The following VPS13B variants were observed in gnomAD, a reference collection of about 807,000 sequenced individuals.
VPS13B encodes vacuolar protein sorting 13 homolog B, also known as intermembrane lipid transfer protein VPS13B.
VPS13B carries 285 observed loss-of-function variants against 426.4 expected under a neutral mutation model. That is an observed-to-expected ratio of 0.67 (90% CI 0.61 to 0.74). The LOEUF is 0.74. VPS13B is among the 30% of genes least tolerant of loss of function. VPS13B has a pLI of 0.00. For synonymous variants in VPS13B, 1,676 were observed against 1,676.4 expected (o/e 1.00, Z 0.01); for missense variants, 4,537 against 4,782.6 (o/e 0.95, Z 1.51).
At chr8:99,274,152 T>C in intron 17 of VPS13B, 46 bp from the exon 18 acceptor site, 1 of 1,612,768 alleles carries the variant, frequency 6.2e-7, no homozygotes, top group Non-Finnish European at 8.5e-7. Flanking sequence ...ATATAAAAAT[T>C]ATTTAAATTC....
intron 8 of VPS13B, among the ~76,000 whole-genome samples, chr8:99,130,990 A>T (rs1031719653): frequency 3.5e-4 from 53 of 152,346 alleles, no homozygotes; most frequent in African/African-American, 1.2e-3. Flanking sequence ...ATTAGGCCTA[A>T]GTTAAATATT....
At chr8:99,100,473 A>G (rs1846672988) in intron 4 of VPS13B, among the ~76,000 whole-genome samples, 1 of 151,964 alleles carries the variant, frequency 6.6e-6, no homozygotes, top group African/African-American at 2.4e-5. Flanking sequence ...GTATTTTTGT[A>G]GAGACGGGGT....
At chr8:99,763,459 C>T (rs74342793) in intron 39 of VPS13B, among the ~76,000 whole-genome samples, 1,951 of 152,222 alleles carry the variant, frequency 0.013, 50 homozygotes, top group African/African-American at 0.045. Context: ...ATGTGTCCAC[C>T]AGAGAAGATG....
chr8:99,715,585 G>A (rs1832884809), intron 36 of VPS13B, among the ~76,000 whole-genome samples: 1 of 152,140 alleles, frequency 6.6e-6, no homozygotes, highest in Admixed American at 6.5e-5. Flanking sequence ...AAGCAACCTA[G>A]GTGGCCTTTG....
At chr8:99,463,197 C>T (rs1563744160) in intron 23 of VPS13B, among the ~76,000 whole-genome samples, 1 of 152,134 alleles carries the variant, frequency 6.6e-6, no homozygotes, top group Non-Finnish European at 1.5e-5. Context: ...TTTTCAGTCC[C>T]TTCTTCTTTT....
At chr8:99,350,934 A>T (rs1811847891) in intron 19 of VPS13B, among the ~76,000 whole-genome samples, 1 of 151,976 alleles carries the variant, frequency 6.6e-6, no homozygotes, top group African/African-American at 2.4e-5. Flanking sequence ...AATTAATTTT[A>T]GTTATTTAGT....
chr8:99,594,526 A>T (rs1826892140), intron 33 of VPS13B, among the ~76,000 whole-genome samples: 1 of 151,948 alleles, frequency 6.6e-6, no homozygotes, highest in African/African-American at 2.4e-5. Flanking sequence ...TATCTTGCCC[A>T]AGATCCTTCT....
At chr8:99,143,315 T>C in intron 13 of VPS13B, 150 bp downstream of exon 13, 1 of 961,316 alleles carries the variant, frequency 1.0e-6, no homozygotes, top group Non-Finnish European at 1.6e-6. Flanking sequence ...ATTTAAAGAA[T>C]AAACTTGTGT....
intron 3 of VPS13B, among the ~76,000 whole-genome samples, chr8:99,039,108 T>C (rs1412199026): frequency 6.6e-6 from 1 of 152,212 alleles, no homozygotes; most frequent in Non-Finnish European, 1.5e-5. Context: ...CTAGGGACCA[T>C]GCAGATTGCT....
At chr8:99,255,067 A>G (rs182005817) in intron 17 of VPS13B, among the ~76,000 whole-genome samples, 5 of 146,214 alleles carry the variant, frequency 3.4e-5, no homozygotes, top group Middle Eastern at 3.5e-3. Flanking sequence ...TTTTTTTTCT[A>G]TATTTCACAT....
intron 2 of VPS13B, among the ~76,000 whole-genome samples, chr8:99,015,914 C>T (rs573963391): frequency 3.9e-5 from 6 of 152,198 alleles, no homozygotes; most frequent in Middle Eastern, 6.8e-3. Context: ...GGCAGGGGAA[C>T]GTACTCCCCA....
In VPS13B at chr8:99,063,771, G is replaced by C. The variant is rs531936558; in HGVS notation, c.291+25205G>C. On this transcript the variant is annotated intron_variant, in intron 3 of 61. Coordinates refer to ENST00000357162, the MANE Select transcript of VPS13B (RefSeq NM_152564.5). ...GAGAACAGACAGACTGCCTCCTCAA[G>C]TGGGTCCCTGACCCCTGTGTAGCCT... Among the ~76,000 whole-genome samples the C allele has an allele frequency of 3.9e-5, 6 of 152,362 alleles. No homozygotes were observed. In the East Asian group the frequency reaches 1.2e-3, roughly 29 times the overall value.
At chr8:99,070,027 C>A (rs1299075403) in intron 3 of VPS13B, among the ~76,000 whole-genome samples, 1 of 152,162 alleles carries the variant, frequency 6.6e-6, no homozygotes, top group East Asian at 1.9e-4. Context: ...GCCACGGCAT[C>A]CCAAGTAGCT....
intron 17 of VPS13B, among the ~76,000 whole-genome samples, chr8:99,214,401 T>C (rs1209176165): frequency 6.6e-6 from 1 of 152,230 alleles, no homozygotes; most frequent in Non-Finnish European, 1.5e-5. Flanking sequence ...TTTCAAACAT[T>C]GTACTTTTTA....
At chr8:99,315,307 G>GA (rs1563664190) in intron 19 of VPS13B, among the ~76,000 whole-genome samples, 1 of 149,424 alleles carries the variant, frequency 6.7e-6, no homozygotes, top group African/African-American at 2.5e-5. Context: ...TGTCATGCAG[G>GA]CTTTGTTAAT....
intron 27 of VPS13B, among the ~76,000 whole-genome samples, chr8:99,506,231 T>C (rs183899633): frequency 1.8e-4 from 27 of 152,302 alleles, no homozygotes; most frequent in African/African-American, 5.1e-4. Flanking sequence ...CAGATGATTA[T>C]TATGTATATG....
intron 19 of VPS13B, among the ~76,000 whole-genome samples, chr8:99,343,805 A>G (rs1268036032): frequency 6.6e-6 from 1 of 152,338 alleles, no homozygotes; most frequent in African/African-American, 2.4e-5. Context: ...TAGAACACTG[A>G]TGAAAGAAAT....
chr8:99,138,157 A>T (rs1303676841), intron 12 of VPS13B, among the ~76,000 whole-genome samples: 1 of 152,086 alleles, frequency 6.6e-6, no homozygotes, highest in Admixed American at 6.5e-5. Flanking sequence ...TTTGAGACAG[A>T]GTTTTGCTCT....
intron 5 of VPS13B, among the ~76,000 whole-genome samples, chr8:99,108,632 G>A (rs931105738): frequency 6.6e-6 from 1 of 151,934 alleles, no homozygotes; most frequent in Non-Finnish European, 1.5e-5. Flanking sequence ...ATTCCATTGG[G>A]CTATGTGTCT....
Sources: allele counts gnomAD v4.1 joint callset (sites outside exome capture counted in the v4.1 genomes callset), GRCh38; gene constraint gnomAD v4.1.1; transcripts MANE v1.5; gene names NCBI Gene and HGNC (gene_info 2026-07-23, HGNC 2026-07-21).